TAF4: variants seen among roughly 807,000 people sequenced by gnomAD.
TAF4 encodes the protein TATA-box binding protein associated factor 4, also known as transcription initiation factor TFIID subunit 4.
In TAF4, 9 loss-of-function variants were observed where a neutral mutation model predicts 90.3. That is an observed-to-expected ratio of 0.10 (90% confidence interval 0.06 to 0.17). The LOEUF (loss-of-function observed/expected upper bound fraction) is 0.17. Among genes scored for constraint, TAF4 ranks in the 10% least tolerant of loss-of-function variants. The pLI, the probability that TAF4 is intolerant of heterozygous loss-of-function variation, is 1.00. For synonymous variants in TAF4, 818 were observed against 638.9 expected, an observed-to-expected ratio of 1.28 and a Z score of -4.23; for missense variants, 1,351 against 1,370.7, an observed-to-expected ratio of 0.99 and a Z score of 0.23.
At chr20:62,015,822 C>T (rs1308815349) in intron 1 of TAF4, among the ~76,000 whole-genome samples, 1 of 152,216 alleles carries the variant, frequency 6.6e-6, no homozygotes, top group African/African-American at 2.4e-5. Context: ...CTGTCGGCTC[C>T]AGCTCTTTCG....
chr20:61,999,562 T>C (rs981707914), intron 11 of TAF4, among the ~76,000 whole-genome samples: 1 of 152,224 alleles, frequency 6.6e-6, no homozygotes, highest in Non-Finnish European at 1.5e-5. Context: ...CACGTTTTAC[T>C]TGGAAGAGCT....
intron 1 of TAF4, among the ~76,000 whole-genome samples, chr20:62,054,419 C>T (rs1359761315): frequency 2.0e-5 from 3 of 152,194 alleles, no homozygotes; most frequent in African/African-American, 7.2e-5. Flanking sequence ...ACTGCACACA[C>T]AAGAGCAAAG....
intron 9 of TAF4, 87 bp downstream of exon 9, chr20:62,003,073 C>T (rs1013446386): frequency 1.1e-5 from 13 of 1,167,534 alleles, no homozygotes; most frequent in Middle Eastern, 2.0e-4. Context: ...GTGGGAAAGA[C>T]CCGTGGGCGG....
At chr20:62,064,404 G>A (rs1265106181) in intron 1 of TAF4, 47 bp downstream of exon 1, 5 of 1,277,874 alleles carry the variant, frequency 3.9e-6, no homozygotes, top group South Asian at 5.2e-5. Flanking sequence ...CTGGCAGCTG[G>A]CGCTGCTGGG....
At chr20:62,032,046 C>T (rs184443068) in intron 1 of TAF4, among the ~76,000 whole-genome samples, 3 of 152,388 alleles carry the variant, frequency 2.0e-5, no homozygotes, top group Non-Finnish European at 4.4e-5. Context: ...CCTCCCATCT[C>T]GCACTCTTCC....
intron 10 of TAF4, 105 bp from the exon 11 acceptor site, chr20:62,000,359 G>A (rs961734790): frequency 2.0e-6 from 3 of 1,501,278 alleles, no homozygotes; most frequent in Admixed American, 4.0e-5. Context: ...CAACCCAAGG[G>A]GAGCCCAGAA....
At position 62,064,537 on chromosome 20, in the gene TAF4, G is replaced by C. The variant is rs952866330; in HGVS notation, c.1274C>G (p.Ala425Gly). The C allele has an allele frequency of 2.0e-6, 3 of 1,528,366 alleles. No homozygotes were observed. Among genetic ancestry groups the C allele is most frequent in the Admixed American group, 2.1e-5 (1 of 48,752 alleles). 94.7% of individuals were successfully genotyped at this position (1,528,366 alleles called of 1,614,324 possible). The change falls in exon 1 of 15, where the codon GCC becomes GGC. Residue 425 changes from alanine (A) to glycine (G), a missense_variant. This residue lies in a region of TAF4 where 782 missense variants were observed against 536.6 expected (regional missense o/e 1.46). Transcript: ENST00000252996. ...GGCCAGCACGGTGGGCGTCAGGGTG[G>C]CCCGAATCCCGCTGGTGGTGGCCGT... ...TPTATTSGIR[A>G]TLTPTVLAPR... is the part of the protein sequence containing the mutation.
intron 1 of TAF4, among the ~76,000 whole-genome samples, chr20:62,018,096 C>T (rs757612629): frequency 2.0e-5 from 3 of 152,164 alleles, no homozygotes; most frequent in African/African-American, 7.2e-5. Context: ...GCAGGTACAA[C>T]GTAGCTTCTC....
intron 5 of TAF4, among the ~76,000 whole-genome samples, chr20:62,008,425 A>T (rs974917294): frequency 1.3e-5 from 2 of 152,008 alleles, no homozygotes; most frequent in Admixed American, 1.3e-4. Flanking sequence ...GAGCTCGGCC[A>T]TGAGTGGAGA....
rs1434116425 is a variant in TAF4 at position 61,981,889 on chromosome 20, G to A, written c.3091-5554C>T. Among the ~76,000 whole-genome samples the A allele has an allele frequency of 3.3e-3, 179 of 54,122 alleles. 2 individuals are homozygous for A. Among genetic ancestry groups the A allele is most frequent in the Non-Finnish European group, 2.7e-3 (69 of 25,854 alleles). The allele number at this position is 54,122 out of a possible 152,430, so 35.5% of individuals were successfully genotyped here. ...GAGACACCAAACTCACACCCCACCC[G>A]AGAGGAGACATCAAACCCACACCCC... On this transcript the variant is annotated intron_variant, in intron 14 of 14. Coordinates refer to ENST00000252996, the MANE Select transcript of TAF4 (RefSeq NM_003185.4).
intron 1 of TAF4, among the ~76,000 whole-genome samples, chr20:62,020,612 A>C (rs901147321): frequency 1.3e-5 from 2 of 150,136 alleles, no homozygotes; most frequent in African/African-American, 4.8e-5. Flanking sequence ...CAGCCCCTCC[A>C]CCAGATGGGC....
At chr20:61,991,894 A>G (rs6142913) in intron 14 of TAF4, among the ~76,000 whole-genome samples, 105,480 of 151,950 alleles carry the variant, frequency 0.69, 36,846 homozygotes, top group Middle Eastern at 0.8. Context: ...GAAGAAAAAC[A>G]CGTGGCCTAC....
intron 9 of TAF4, among the ~76,000 whole-genome samples, chr20:62,002,797 G>A (rs753217554): frequency 6.6e-6 from 1 of 152,230 alleles, no homozygotes; most frequent in Non-Finnish European, 1.5e-5. Flanking sequence ...GCCTGGAGCA[G>A]TACAGCATTT....
At chr20:62,052,988 A>C (rs1004364095) in intron 1 of TAF4, among the ~76,000 whole-genome samples, 5 of 151,662 alleles carry the variant, frequency 3.3e-5, no homozygotes, top group African/African-American at 7.3e-5. Context: ...ACCCCCCACA[A>C]CACCAGGTCT....
chr20:62,025,705 T>C (rs887378132), intron 1 of TAF4, among the ~76,000 whole-genome samples: 2 of 152,246 alleles, frequency 1.3e-5, no homozygotes, highest in Admixed American at 6.5e-5. Flanking sequence ...TCAACCTCTT[T>C]CCTTTATAAG....
intron 1 of TAF4, among the ~76,000 whole-genome samples, chr20:62,020,281 G>C (rs978850198): frequency 1.3e-5 from 2 of 152,176 alleles, no homozygotes; most frequent in Non-Finnish European, 2.9e-5. Context: ...TCTGCCGGTG[G>C]GGGGGCTCTT....
rs191653598 is a variant in TAF4 at position 61,988,446 on chromosome 20, G to A, written c.3090+9104C>T. 1.1e-4 allele frequency among the ~76,000 whole-genome samples: 16 copies of A among 152,192 alleles called. No homozygotes were observed. The East Asian group carries it at 1.9e-3, about 18-fold the overall frequency. On this transcript the variant is annotated intron_variant, in intron 14 of 14. Coordinates refer to ENST00000252996, the MANE Select transcript of TAF4 (RefSeq NM_003185.4). Reference sequence around the variant, plus strand: ...CTTCAATGAACAGTATCATACCCACGTTTAACATGAGGCTAAACTGGGTGA... The same window carrying A: ...CTTCAATGAACAGTATCATACCCACATTTAACATGAGGCTAAACTGGGTGA...
Position 61,985,271 on chromosome 20 carries a change from C to T in TAF4, c.3091-8936G>A, listed in dbSNP as rs1331179245. Among the ~76,000 whole-genome samples the T allele has an allele frequency of 5.9e-5, 9 of 151,882 alleles. No individual in the cohort carries two copies. The East Asian group carries it at 1.2e-3, about 20-fold the overall frequency. ...CCCGAGCTGTGCTGCAGGTGAATGA[C>T]GGCCACACTGAAGGGTGGGCAGGAA... is the stretch of plus-strand genomic sequence containing the variant. On this transcript the variant is annotated intron_variant, in intron 14 of 14. Transcript: ENST00000252996.
intron 1 of TAF4, among the ~76,000 whole-genome samples, chr20:62,055,203 T>C (rs888760711): frequency 5.4e-5 from 8 of 147,032 alleles, no homozygotes; most frequent in African/African-American, 1.2e-4. Flanking sequence ...TGCAAGACAA[T>C]AGACTCACGC....
Sources: gnomAD v4.1 joint callset for allele counts (sites outside exome capture counted in the v4.1 genomes callset) on GRCh38, gnomAD v4.1.1 for gene constraint, gnomAD v4.1.1 regional missense constraint, MANE v1.5 for transcripts, NCBI Gene and HGNC (gene_info 2026-07-23, HGNC 2026-07-21) for gene names.